Variants in FNIP2 observed in about 807,000 individuals in gnomAD.
FNIP2 encodes folliculin interacting protein 2, also known as folliculin-interacting protein 2.
FNIP2 carries 32 observed loss-of-function variants against 108.7 expected under a neutral mutation model. The ratio of observed to expected loss-of-function variants is 0.29; its 90% CI spans 0.22 to 0.40. FNIP2 has a LOEUF of 0.40. Among genes scored for constraint, FNIP2 ranks in the 10% least tolerant of loss-of-function variants. The pLI, the probability that FNIP2 is intolerant of heterozygous loss-of-function variation, is 1.00. For missense variants in FNIP2, 1,202 were observed against 1,381.6 expected (o/e 0.87, Z 2.06); for synonymous variants, 480 against 496.7 (o/e 0.97, Z 0.45).
rs1778310392 is a variant in FNIP2, at chr4:158,828,975, A to G, written c.235-104A>G. The G allele has an allele frequency of 5.2e-6, 5 of 952,692 alleles. No individual in the cohort carries two copies. In the Admixed American group the frequency reaches 1.4e-4, roughly 26 times the overall value. 59.0% of individuals were successfully genotyped at this position (952,692 alleles called of 1,614,324 possible). On this transcript the variant is annotated intron_variant, in intron 2 of 16. Coordinates refer to ENST00000264433, the MANE Select transcript of FNIP2 (RefSeq NM_020840.3). The stretch of plus-strand genomic sequence containing the variant: ...AAAAAAGCTTCTGTTTTTTAATGCA[A>G]CCTAGGCACCAGAATGCTTTTAAAA...
At chr4:158,836,651 A>G (rs1469261636) in intron 7 of FNIP2, 1 of 151,402 alleles carries the variant, frequency 6.6e-6, no homozygotes, top group African/African-American at 2.4e-5. Flanking sequence ...ATACAAAAAA[A>G]AAAAAAAGAA....
chr4:158,799,967 A>G (rs932272653), intron 1 of FNIP2, among the ~76,000 whole-genome samples: 6 of 152,218 alleles, frequency 3.9e-5, no homozygotes, highest in African/African-American at 1.4e-4. Context: ...TTACCGAGAC[A>G]AATAGATACG....
Position 158,907,481 on chromosome 4 carries a change from C to T in FNIP2, c.*2937C>T, listed in dbSNP as rs1475057178. 12 of 152,266 alleles carry T rather than the reference C, an allele frequency of 7.9e-5. No homozygotes were observed. In the East Asian group the frequency reaches 1.9e-3, roughly 24 times the overall value. 9.4% of individuals were successfully genotyped at this position (152,266 alleles called of 1,614,324 possible). ...AAATGATACTAAACCGTTGTTTGGGCTCTTATAATTAGGTCCTGAGATTTT... is the reference window on the plus strand; with the variant it reads ...AAATGATACTAAACCGTTGTTTGGGTTCTTATAATTAGGTCCTGAGATTTT... On this transcript the variant is annotated 3_prime_UTR_variant, in exon 17 of 17. Coordinates refer to ENST00000264433, the MANE Select transcript of FNIP2 (RefSeq NM_020840.3).
intron 14 of FNIP2, among the ~76,000 whole-genome samples, chr4:158,876,348 A>C (rs918383519): frequency 1.2e-4 from 19 of 152,222 alleles, no homozygotes; most frequent in African/African-American, 4.3e-4. Flanking sequence ...CTAAGAGACT[A>C]AACTGTAAAC....
At chr4:158,858,785 C>T (rs1376055380) in intron 8 of FNIP2, among the ~76,000 whole-genome samples, 4 of 152,078 alleles carry the variant, frequency 2.6e-5, no homozygotes, top group East Asian at 1.9e-4. Context: ...TGACATAAAA[C>T]GATTCAAAGG....
chr4:158,859,484 T>C, intron 9 of FNIP2, 94 bp from the exon 10 acceptor site: 3 of 1,158,492 alleles, frequency 2.6e-6, no homozygotes, highest in Non-Finnish European at 3.7e-6. Context: ...TGAGTGTTGT[T>C]AATTGATTAC....
At chr4:158,863,917 TG>T (rs1403402661) in intron 12 of FNIP2, among the ~76,000 whole-genome samples, 1 of 152,198 alleles carries the variant, frequency 6.6e-6, no homozygotes, top group Non-Finnish European at 1.5e-5. Flanking sequence ...TAAGTTAAAA[TG>T]TGTGAAATTT....
chr4:158,854,847 AAG>A (rs562252571), intron 8 of FNIP2, among the ~76,000 whole-genome samples: 23 of 152,306 alleles, frequency 1.5e-4, no homozygotes, highest in African/African-American at 5.1e-4. Flanking sequence ...GGTAGAGGGT[AAG>A]ACCCCTCCGA....
chr4:158,805,776 G>A (rs999385654), intron 1 of FNIP2, among the ~76,000 whole-genome samples: 6 of 152,250 alleles, frequency 3.9e-5, no homozygotes, highest in Admixed American at 1.3e-4. Context: ...GCATTGCCCA[G>A]AGCCATATGA....
intron 14 of FNIP2, among the ~76,000 whole-genome samples, chr4:158,883,745 A>G (rs1781855228): frequency 6.6e-6 from 1 of 152,212 alleles, no homozygotes; most frequent in South Asian, 2.1e-4. Context: ...GGGAACTTGT[A>G]GCAACATGCA....
intron 14 of FNIP2, among the ~76,000 whole-genome samples, chr4:158,884,942 A>G (rs1240736390): frequency 6.6e-6 from 1 of 150,774 alleles, no homozygotes; most frequent in Non-Finnish European, 1.5e-5. Flanking sequence ...GGAGTTTGCG[A>G]CCAGCCTGGC....
intron 14 of FNIP2, among the ~76,000 whole-genome samples, chr4:158,871,218 C>T (rs1450063060): frequency 6.6e-6 from 1 of 152,182 alleles, no homozygotes; most frequent in Admixed American, 6.5e-5. Flanking sequence ...TGCAGGGCAA[C>T]AGGAACTAAG....
intron 1 of FNIP2, among the ~76,000 whole-genome samples, chr4:158,796,383 T>G (rs1278822782): frequency 6.8e-6 from 1 of 147,304 alleles, no homozygotes; most frequent in Non-Finnish European, 1.5e-5. Context: ...ATTTTCTAAC[T>G]GTTGTGCTAA....
At chr4:158,869,684 C>T (rs1780819576) in intron 13 of FNIP2, among the ~76,000 whole-genome samples, 1 of 152,178 alleles carries the variant, frequency 6.6e-6, no homozygotes, top group South Asian at 2.1e-4. Context: ...CTATCGTGAT[C>T]CTTTGGGGAA....
intron 3 of FNIP2, among the ~76,000 whole-genome samples, chr4:158,830,645 C>CTG (rs1212872991): frequency 1.3e-5 from 2 of 152,018 alleles, no homozygotes; most frequent in East Asian, 3.9e-4. Flanking sequence ...GCTTGTGTGT[C>CTG]TGTGTGTGTG....
Position 158,840,422 on chromosome 4 carries a change from G to A in FNIP2, c.727+4946G>A, listed in dbSNP as rs916232558. Among the ~76,000 whole-genome samples, 7 of 151,862 alleles carry A rather than the reference G, an allele frequency of 4.6e-5. No individual in the cohort carries two copies. In the South Asian group the frequency reaches 1.5e-3, roughly 32 times the overall value. On this transcript the variant is annotated intron_variant, in intron 7 of 16. Transcript: ENST00000264433. ...GTTGTTGTTTTTTTTTTGAGACAAG[G>A]TTTCGCTTTGTCACCCAGGCTGGAG...
At chr4:158,885,848 A>C (rs1290861212) in intron 14 of FNIP2, among the ~76,000 whole-genome samples, 1 of 152,152 alleles carries the variant, frequency 6.6e-6, no homozygotes, top group African/African-American at 2.4e-5. Flanking sequence ...CTGTCATCTT[A>C]TTGTTGCCCT....
intron 1 of FNIP2, among the ~76,000 whole-genome samples, chr4:158,789,467 A>G (rs1776332589): frequency 6.6e-6 from 1 of 152,214 alleles, no homozygotes; most frequent in African/African-American, 2.4e-5. Context: ...ATGGCCAGGT[A>G]CTCTGACTGC....
chr4:158,789,054 G>GTTCTAGGT (rs1776314273), intron 1 of FNIP2, among the ~76,000 whole-genome samples: 1 of 152,250 alleles, frequency 6.6e-6, no homozygotes, highest in Non-Finnish European at 1.5e-5. Context: ...TGGTGGATGT[G>GTTCTAGGT]TTCTAGGTGA....
Sources: gnomAD v4.1 joint callset for allele counts (sites outside exome capture counted in the v4.1 genomes callset) on GRCh38, gnomAD v4.1.1 for gene constraint, MANE v1.5 for transcripts, NCBI Gene and HGNC (gene_info 2026-07-23, HGNC 2026-07-21) for gene names.